Variants in XRCC4 observed in about 807,000 individuals in gnomAD.
The protein encoded by XRCC4 is DNA repair protein XRCC4.
XRCC4 carries 28 observed loss-of-function variants against 39.1 expected under a neutral mutation model. The observed-to-expected ratio is 0.72, with a 90% confidence interval of 0.53 to 0.98. The LOEUF is 0.98. XRCC4 is among the 50% of genes least tolerant of loss of function. XRCC4 has a pLI of 0.00. For missense variants in XRCC4, 350 were observed against 376.4 expected (o/e 0.93, Z 0.58); for synonymous variants, 123 against 126.4 (o/e 0.97, Z 0.18).
intron 7 of XRCC4, among the ~76,000 whole-genome samples, chr5:83,342,455 T>C (rs1756790665): frequency 6.6e-6 from 1 of 152,194 alleles, no homozygotes; most frequent in South Asian, 2.1e-4. Flanking sequence ...ATTCACTCTT[T>C]ATTATTCTGC....
chr5:83,215,400 G>A (rs1751820746), intron 6 of XRCC4, among the ~76,000 whole-genome samples: 1 of 152,098 alleles, frequency 6.6e-6, no homozygotes, highest in Admixed American at 6.6e-5. Flanking sequence ...CATAGATTCA[G>A]TGAGATGCCT....
At chr5:83,165,844 G>T (rs1161646037) in intron 3 of XRCC4, among the ~76,000 whole-genome samples, 10 of 151,216 alleles carry the variant, frequency 6.6e-5, no homozygotes, top group Non-Finnish European at 1.3e-4. Flanking sequence ...GTATTTCATG[G>T]TGTGTATGTA....
At chr5:83,124,485 A>G (rs552479830) in intron 3 of XRCC4, among the ~76,000 whole-genome samples, 7 of 152,236 alleles carry the variant, frequency 4.6e-5, no homozygotes, top group African/African-American at 1.7e-4. Context: ...TTCTTACCTC[A>G]TGGAATGCCA....
intron 7 of XRCC4, among the ~76,000 whole-genome samples, chr5:83,324,102 C>T (rs28360319): frequency 0.013 from 1,945 of 152,122 alleles, 32 homozygotes; most frequent in African/African-American, 0.043. Flanking sequence ...CTTTTTGATT[C>T]TTACCCCCAT....
intron 7 of XRCC4, among the ~76,000 whole-genome samples, chr5:83,296,803 C>G (rs1014565450): frequency 6.6e-6 from 1 of 151,650 alleles, no homozygotes; most frequent in Non-Finnish European, 1.5e-5. Flanking sequence ...AAAAAAGTAA[C>G]AGAGATTAAA....
chr5:83,340,387 T>C (rs960843828), intron 7 of XRCC4, among the ~76,000 whole-genome samples: 1 of 152,032 alleles, frequency 6.6e-6, no homozygotes, highest in Non-Finnish European at 1.5e-5. Flanking sequence ...CAGATGGAAA[T>C]AAGGTTGAAA....
chr5:83,299,685 C>T (rs900715164), intron 7 of XRCC4, among the ~76,000 whole-genome samples: 2 of 152,096 alleles, frequency 1.3e-5, no homozygotes, highest in African/African-American at 4.8e-5. Flanking sequence ...CTCTATTAAA[C>T]TTGACCATTC....
In XRCC4 at chr5:83,093,358, A is replaced by G. The variant is rs908063772; in HGVS notation, c.-10-11552A>G. Among the ~76,000 whole-genome samples, 4 of 152,222 alleles carry G rather than the reference A, an allele frequency of 2.6e-5. No individual in the cohort carries two copies. In the East Asian group the frequency reaches 5.8e-4, roughly 22 times the overall value. The stretch of plus-strand genomic sequence containing the variant: ...TACAGAGATAGACTGTAATACAATA[A>G]CAGTAGAGAACTTCAATGCACCACT... On this transcript the variant is annotated intron_variant, in intron 1 of 7. Coordinates refer to ENST00000396027, the MANE Select transcript of XRCC4 (RefSeq NM_003401.5).
At chr5:83,100,543 G>A (rs1015095441) in intron 1 of XRCC4, among the ~76,000 whole-genome samples, 13 of 152,044 alleles carry the variant, frequency 8.6e-5, no homozygotes, top group African/African-American at 2.2e-4. Context: ...AATTATAAGT[G>A]CTGTATTTTC....
chr5:83,229,831 T>C (rs983960846), intron 6 of XRCC4, among the ~76,000 whole-genome samples: 1 of 151,952 alleles, frequency 6.6e-6, no homozygotes, highest in African/African-American at 2.4e-5. Flanking sequence ...TTTTGCACAG[T>C]TGAATGTTTG....
At chr5:83,093,326 A>C (rs1160790624) in intron 1 of XRCC4, among the ~76,000 whole-genome samples, 2 of 152,224 alleles carry the variant, frequency 1.3e-5, no homozygotes, top group Non-Finnish European at 2.9e-5. Flanking sequence ...GCAAACATTA[A>C]AGGGTGTACA....
chr5:83,203,663 A>G lies in XRCC4; in HGVS notation c.594A>G (p.Leu198=). Residue 198 remains leucine (L), a synonymous_variant, in exon 5 of 8, where the codon TTA becomes TTG. Transcript: ENST00000396027. ...AAATCAGAAGTTTGCATAATAAATT[A>G]TTAAATGCAGCTCAAGAACGAGAAA... ...KTKIRSLHNK[L]LNAAQEREKD... The G allele has an allele frequency of 6.2e-7, 1 of 1,610,060 alleles. No homozygotes were observed. The highest frequency in any genetic ancestry group is 1.1e-5 in the South Asian group (1 of 89,876).
At chr5:83,189,787 A>G (rs1191379913) in intron 3 of XRCC4, among the ~76,000 whole-genome samples, 1 of 152,164 alleles carries the variant, frequency 6.6e-6, no homozygotes, top group Non-Finnish European at 1.5e-5. Context: ...ATTTCAGGCC[A>G]GACTCAGTGG....
intron 3 of XRCC4, among the ~76,000 whole-genome samples, chr5:83,118,854 G>T (rs1332413183): frequency 6.6e-6 from 1 of 152,114 alleles, no homozygotes; most frequent in Non-Finnish European, 1.5e-5. Context: ...TTGCAAGGAT[G>T]TTTGTTTAGC....
chr5:83,327,561 T>C (rs1406747614), intron 7 of XRCC4, among the ~76,000 whole-genome samples: 1 of 152,066 alleles, frequency 6.6e-6, no homozygotes, highest in Admixed American at 6.6e-5. Flanking sequence ...TTGATTGTTG[T>C]GGTTATTTCA....
rs141799026 is a variant in XRCC4 at position 83,207,018 on chromosome 5, G to A, written c.745+2097G>A. On this transcript the variant is annotated intron_variant, in intron 6 of 7. Transcript: ENST00000396027. ...CACACACAATCATACTTTTGCACTT[G>A]GGAATGAAATTTCTTTTCACTTGGC... Among the ~76,000 whole-genome samples, 19 of 152,192 alleles carry A rather than the reference G, an allele frequency of 1.2e-4. No individual in the cohort carries two copies. In the East Asian group the frequency reaches 2.9e-3, roughly 23 times the overall value.
chr5:83,366,545 T>C, the XRCC4 span, among the ~76,000 whole-genome samples: 1 of 152,196 alleles, frequency 6.6e-6, no homozygotes, highest in Non-Finnish European at 1.5e-5. Flanking sequence ...GTTGGATTCA[T>C]ATTCCTTCTC....
At chr5:83,347,138 A>G (rs1226189488) in intron 7 of XRCC4, among the ~76,000 whole-genome samples, 1 of 152,226 alleles carries the variant, frequency 6.6e-6, no homozygotes, top group Non-Finnish European at 1.5e-5. Context: ...ATGAATGTAG[A>G]TCTAAATTTT....
At chr5:83,292,657 T>C (rs1754957525) in intron 7 of XRCC4, among the ~76,000 whole-genome samples, 1 of 151,950 alleles carries the variant, frequency 6.6e-6, no homozygotes, top group Admixed American at 6.6e-5. Flanking sequence ...AAAGCAGTAA[T>C]TTTTCTTTAT....
Sources: gnomAD v4.1 joint callset for allele counts (sites outside exome capture counted in the v4.1 genomes callset) on GRCh38, gnomAD v4.1.1 for gene constraint, MANE v1.5 for transcripts, NCBI Gene and HGNC (gene_info 2026-07-23, HGNC 2026-07-21) for gene names.